ADGRL3: variants seen among roughly 807,000 people sequenced by gnomAD.
ADGRL3 encodes calcium-independent alpha-latrotoxin receptor 3.
A neutral mutation model predicts 153.5 loss-of-function variants in ADGRL3; 62 were observed. The observed-to-expected ratio is 0.40, with a 90% confidence interval of 0.33 to 0.50. The LOEUF is 0.50. Among genes scored for constraint, ADGRL3 ranks in the 20% least tolerant of loss-of-function variants. ADGRL3 has a pLI of 0.47. For synonymous variants in ADGRL3, 710 were observed against 672.5 expected (o/e 1.06, Z -0.86); for missense variants, 1,641 against 1,859.4 (o/e 0.88, Z 2.16).
At chr4:61,856,490 C>T (rs1452621959) in intron 9 of ADGRL3, among the ~76,000 whole-genome samples, 7 of 145,926 alleles carry the variant, frequency 4.8e-5, no homozygotes, top group Non-Finnish European at 1.1e-4. Flanking sequence ...TATTTTCTCC[C>T]TCACCTCCCC....
intron 5 of ADGRL3, among the ~76,000 whole-genome samples, chr4:61,591,294 T>C (rs2098968152): frequency 6.6e-6 from 1 of 152,212 alleles, no homozygotes; most frequent in Admixed American, 6.5e-5. Flanking sequence ...AGTACAGTGA[T>C]GTTTTTAGTG....
intron 20 of ADGRL3, among the ~76,000 whole-genome samples, chr4:61,997,262 G>T (rs1581801497): frequency 1.4e-5 from 2 of 147,084 alleles, no homozygotes; most frequent in African/African-American, 2.5e-5. Flanking sequence ...AAAAAAAAAA[G>T]GAAAGGTAAG....
intron 8 of ADGRL3, among the ~76,000 whole-genome samples, chr4:61,806,064 T>C (rs1205959963): frequency 6.6e-6 from 1 of 152,206 alleles, no homozygotes; most frequent in Non-Finnish European, 1.5e-5. Flanking sequence ...ATGTCATTGA[T>C]GTGTGTTTTC....
intron 6 of ADGRL3, among the ~76,000 whole-genome samples, chr4:61,694,050 G>A (rs980930398): frequency 9.2e-5 from 14 of 151,964 alleles, no homozygotes; most frequent in African/African-American, 2.7e-4. Flanking sequence ...TATACAGAGT[G>A]TAATTCTCAA....
At chr4:61,976,741 T>C (rs2150757021) in intron 17 of ADGRL3, among the ~76,000 whole-genome samples, 1 of 152,226 alleles carries the variant, frequency 6.6e-6, no homozygotes, top group Admixed American at 6.5e-5. Flanking sequence ...CGTGTCTTGC[T>C]CCCCCTTCGC....
intron 25 of ADGRL3, among the ~76,000 whole-genome samples, chr4:62,049,986 T>TA (rs1733251809): frequency 6.6e-6 from 1 of 152,118 alleles, no homozygotes; most frequent in African/African-American, 2.4e-5. Context: ...TTATACTTTC[T>TA]AAAAAATGAA....
chr4:62,043,692 T>A (rs1269073062), intron 24 of ADGRL3, among the ~76,000 whole-genome samples: 1 of 152,044 alleles, frequency 6.6e-6, no homozygotes, highest in Admixed American at 6.6e-5. Flanking sequence ...TAATACTTTT[T>A]TGACCCATAA....
intron 9 of ADGRL3, among the ~76,000 whole-genome samples, chr4:61,856,984 C>CTT (rs1561368120): frequency 1.7e-5 from 2 of 115,532 alleles, no homozygotes; most frequent in Non-Finnish European, 3.5e-5. Context: ...TTCTTTCTTT[C>CTT]TTTCTTTCTT....
intron 19 of ADGRL3, among the ~76,000 whole-genome samples, chr4:61,986,677 G>C (rs1446972640): frequency 1.3e-5 from 2 of 152,166 alleles, no homozygotes; most frequent in Admixed American, 1.3e-4. Context: ...AGAAAAGGGA[G>C]GGTAGATGGA....
At chr4:61,779,541 C>T (rs769895784) in intron 8 of ADGRL3, among the ~76,000 whole-genome samples, 2 of 142,040 alleles carry the variant, frequency 1.4e-5, no homozygotes, top group Non-Finnish European at 3.0e-5. Flanking sequence ...GGCTGATGCA[C>T]GAGAATTGCT....
At chr4:61,827,469 T>C (rs1294718317) in intron 9 of ADGRL3, among the ~76,000 whole-genome samples, 2 of 152,154 alleles carry the variant, frequency 1.3e-5, no homozygotes, top group East Asian at 3.9e-4. Flanking sequence ...ACCTAGCAAT[T>C]CCAAATATCC....
At chr4:61,320,529 G>T (rs943714166) in intron 1 of ADGRL3, among the ~76,000 whole-genome samples, 6 of 152,134 alleles carry the variant, frequency 3.9e-5, no homozygotes, top group African/African-American at 1.2e-4. Flanking sequence ...TTGAAGGCTG[G>T]TAAACTCAAG....
At chr4:61,375,757 C>G (rs1380665055) in intron 1 of ADGRL3, among the ~76,000 whole-genome samples, 1 of 151,984 alleles carries the variant, frequency 6.6e-6, no homozygotes, top group Non-Finnish European at 1.5e-5. Flanking sequence ...ACCAAGGGGT[C>G]TATATGTTCT....
intron 21 of ADGRL3, among the ~76,000 whole-genome samples, chr4:62,025,616 A>G (rs1224940376): frequency 6.6e-6 from 1 of 152,126 alleles, no homozygotes; most frequent in Non-Finnish European, 1.5e-5. Flanking sequence ...ATTGAGGAAA[A>G]GCCCACTCAA....
chr4:61,357,662 A>G (rs2096201400), intron 1 of ADGRL3, among the ~76,000 whole-genome samples: 1 of 152,160 alleles, frequency 6.6e-6, no homozygotes, highest in Non-Finnish European at 1.5e-5. Flanking sequence ...GCAATTTCAT[A>G]TTAATAACTG....
chr4:61,962,136 G>C (rs1381675122), intron 17 of ADGRL3, among the ~76,000 whole-genome samples: 1 of 151,990 alleles, frequency 6.6e-6, no homozygotes, highest in Non-Finnish European at 1.5e-5. Flanking sequence ...CTACTCAGGA[G>C]GGTGAGGCAG....
chr4:62,067,912 G>C (rs960739826), intron 25 of ADGRL3, among the ~76,000 whole-genome samples: 1 of 151,984 alleles, frequency 6.6e-6, no homozygotes, highest in Non-Finnish European at 1.5e-5. Flanking sequence ...TTTACAAATG[G>C]TGGAAACGCT....
At chr4:61,251,874 T>TA (rs942361764) in intron 1 of ADGRL3, among the ~76,000 whole-genome samples, 1 of 146,654 alleles carries the variant, frequency 6.8e-6, no homozygotes. Context: ...ATTCTTTTTT[T>TA]TTTTAATTTT....
intron 21 of ADGRL3, among the ~76,000 whole-genome samples, chr4:62,005,155 A>G (rs1251418470): frequency 1.3e-5 from 2 of 152,160 alleles, no homozygotes; most frequent in African/African-American, 4.8e-5. Context: ...ACTGAATTTC[A>G]GTCACTGATT....
Sources: gnomAD v4.1 joint callset for allele counts (sites outside exome capture counted in the v4.1 genomes callset) on GRCh38, gnomAD v4.1.1 for gene constraint, MANE v1.5 for transcripts, NCBI Gene and HGNC (gene_info 2026-07-23, HGNC 2026-07-21) for gene names.